The following CERS5 variants were observed in gnomAD, a reference collection of about 807,000 sequenced individuals.
CERS5 encodes the protein ceramide synthase 5.
CERS5 carries 37 observed loss-of-function variants against 58.9 expected under a neutral mutation model. That is an observed-to-expected ratio of 0.63 (90% CI 0.48 to 0.83). The LOEUF is 0.83. Among genes scored for constraint, CERS5 ranks in the 40% least tolerant of loss-of-function variants. CERS5 has a pLI of 0.00. For synonymous variants in CERS5, 147 were observed against 177.8 expected (o/e 0.83, Z 1.38); for missense variants, 398 against 489.3 (o/e 0.81, Z 1.76).
intron 8 of CERS5, 48 bp from the exon 9 acceptor site, chr12:50,134,750 G>A: frequency 6.4e-7 from 1 of 1,555,736 alleles, no homozygotes; most frequent in East Asian, 2.3e-5. Context: ...AAGCTCAGCA[G>A]ACAGGGATGA....
chr12:50,135,884 C>G, intron 7 of CERS5, 46 bp from the exon 8 acceptor site: 1 of 1,592,178 alleles, frequency 6.3e-7, no homozygotes, highest in Non-Finnish European at 8.5e-7. Flanking sequence ...AGTCATTCCT[C>G]ACATAGGAAG....
chr12:50,140,979 G>T (rs1354163177), intron 4 of CERS5, among the ~76,000 whole-genome samples: 1 of 151,720 alleles, frequency 6.6e-6, no homozygotes, highest in Middle Eastern at 3.2e-3. Flanking sequence ...AAAACACAAT[G>T]ATATCATTTA....
At position 50,135,819 on chromosome 12, in the gene CERS5, T is replaced by A; in HGVS notation, c.785A>T (p.Tyr262Phe). ...FLLEAAKLANYAKYQRLCDTL... is the reference protein window; with the variant it reads ...FLLEAAKLANFAKYQRLCDTL... Reference sequence around the variant, plus strand: ...GTCACAGAGCCGCTGATACTTGGCATAATTGGCCAGTTTGGCTGCCTGGAG... The same window carrying A: ...GTCACAGAGCCGCTGATACTTGGCAAAATTGGCCAGTTTGGCTGCCTGGAG... The change falls in exon 8 of 10, where the codon TAT becomes TTT. Residue 262 changes from tyrosine (Y) to phenylalanine (F), a missense_variant. Tyr to Phe is a conservative substitution (Grantham distance 22, BLOSUM62 3). Coordinates refer to ENST00000317551, the MANE Select transcript of CERS5 (RefSeq NM_147190.5). 6.2e-7 allele frequency: 1 copy of A among 1,613,994 alleles called. No homozygotes were observed. The highest frequency in any genetic ancestry group is 8.5e-7 in the Non-Finnish European group (1 of 1,179,982).
Position 50,130,391 on chromosome 12 carries a change from TTTTC to T in CERS5, c.*150_*153del. On this transcript the variant is annotated 3_prime_UTR_variant, in exon 10 of 10. Coordinates refer to ENST00000317551, the MANE Select transcript of CERS5 (RefSeq NM_147190.5). ...GAGGCTATTAAATACAAAATGGCAG[TTTTC>T]TTTCAAAGTGAAAATATTTGCTTCT... 1 of 624,650 alleles carries T rather than the reference TTTTC, an allele frequency of 1.6e-6. No individual in the cohort carries two copies. The highest frequency in any genetic ancestry group is 2.6e-6 in the Non-Finnish European group (1 of 388,186). The allele number at this position is 624,650 out of a possible 1,614,324, so 38.7% of individuals were successfully genotyped here.
chr12:50,136,467 C>T (rs1434645234), intron 6 of CERS5, among the ~76,000 whole-genome samples: 4 of 97,692 alleles, frequency 4.1e-5, no homozygotes, highest in Non-Finnish European at 5.8e-5. Flanking sequence ...ACTGAGATTC[C>T]GTCTCAAAAA....
intron 1 of CERS5, among the ~76,000 whole-genome samples, chr12:50,161,784 G>GCAAAAAAAAAAAAA (rs1939293345): frequency 1.1e-5 from 1 of 90,862 alleles, no homozygotes; most frequent in Admixed American, 1.7e-4. Flanking sequence ...CTCAAAAAAA[G>GCAAAAAAAAAAAAA]AAAAAAAAAA....
At chr12:50,143,651 G>A in intron 2 of CERS5, 1 of 326,760 alleles carries the variant, frequency 3.1e-6, no homozygotes, top group Non-Finnish European at 5.7e-6. Context: ...CAACTAGGCA[G>A]TGACAGAAAC....
intron 1 of CERS5, chr12:50,153,933 G>A (rs932483387): frequency 8.5e-6 from 3 of 354,956 alleles, no homozygotes; most frequent in African/African-American, 2.2e-5. Flanking sequence ...CAGCCTGGGC[G>A]ACAAGAGCAA....
chr12:50,167,341 C>A lies in CERS5; in HGVS notation c.-44G>T. ...CCACCGCCGCCACAAGCGTCAGCTG[C>A]CGCCACAGCCAACGGAACCCGCGGG... On this transcript the variant is annotated 5_prime_UTR_variant, in exon 1 of 10. Transcript: ENST00000317551. 6.8e-7 allele frequency: 1 copy of A among 1,461,906 alleles called. No individual in the cohort carries two copies. The highest frequency in any genetic ancestry group is 9.0e-7 in the Non-Finnish European group (1 of 1,116,374). The allele number at this position is 1,461,906 out of a possible 1,614,324, so 90.6% of individuals were successfully genotyped here. A position where few individuals can be genotyped will look rare whatever the true frequency, so the allele number is the denominator to read the frequency against.
At chr12:50,144,674 G>A in intron 1 of CERS5, 2 of 644,272 alleles carry the variant, frequency 3.1e-6, no homozygotes, top group South Asian at 2.2e-5. Flanking sequence ...AAGAAATCAG[G>A]AAGCTAGGAA....
chr12:50,152,162 C>T (rs1234531502), intron 1 of CERS5, among the ~76,000 whole-genome samples: 2 of 152,134 alleles, frequency 1.3e-5, no homozygotes, highest in Non-Finnish European at 2.9e-5. Flanking sequence ...GTTCCTGAGG[C>T]ACTCTCAGGG....
intron 9 of CERS5, chr12:50,134,198 T>G: frequency 2.9e-6 from 1 of 341,944 alleles, no homozygotes; most frequent in East Asian, 7.5e-5. Flanking sequence ...CTGGGTAACA[T>G]AGTGACACCC....
At chr12:50,136,927 TA>T (rs1951725354) in intron 6 of CERS5, among the ~76,000 whole-genome samples, 1 of 152,174 alleles carries the variant, frequency 6.6e-6, no homozygotes, top group Non-Finnish European at 1.5e-5. Context: ...ACAATTAAAA[TA>T]AAATTTTAAT....
At chr12:50,141,430 T>C (rs952262496) in intron 4 of CERS5, among the ~76,000 whole-genome samples, 4 of 152,196 alleles carry the variant, frequency 2.6e-5, no homozygotes, top group Non-Finnish European at 4.4e-5. Flanking sequence ...AAAGGGTTTA[T>C]TCCATTTCTC....
At chr12:50,145,565 A>G (rs373666730) in intron 1 of CERS5, among the ~76,000 whole-genome samples, 2 of 152,128 alleles carry the variant, frequency 1.3e-5, no homozygotes, top group East Asian at 3.8e-4. Context: ...CCTCTATGAA[A>G]ACTTTTTACC....
intron 4 of CERS5, among the ~76,000 whole-genome samples, chr12:50,141,064 T>A (rs1174015437): frequency 1.3e-5 from 2 of 152,162 alleles, no homozygotes; most frequent in East Asian, 3.9e-4. Context: ...CTTCCTTCTT[T>A]TTCTGAGGCA....
chr12:50,143,727 C>T, intron 2 of CERS5: 1 of 463,766 alleles, frequency 2.2e-6, no homozygotes, highest in Non-Finnish European at 3.9e-6. Context: ...AGGGTGGCTG[C>T]TGGGCCTAAA....
In CERS5 at chr12:50,142,057, C is replaced by G. The variant is rs146787766; in HGVS notation, c.488G>C (p.Trp163Ser). The G allele has an allele frequency of 6.3e-7, 1 of 1,594,152 alleles. No individual in the cohort carries two copies. The highest frequency in any genetic ancestry group is 8.6e-7 in the Non-Finnish European group (1 of 1,162,458). Residue 163 changes from tryptophan to serine, a missense_variant, in exon 4 of 10, where the codon TGG (tryptophan) becomes TCG (serine). This residue lies in a region of CERS5 where 328 missense variants were observed against 384.5 expected (regional missense o/e 0.85). Transcript: ENST00000317551. ...CTAGAGAAAGTTAAGACTCACCGACCAGAGAAATCTAATTCCATAGCAGAA... is the reference window on the plus strand; with the variant it reads ...CTAGAGAAAGTTAAGACTCACCGACGAGAGAAATCTAATTCCATAGCAGAA... ...CIFCYGIRFLWSSPWFWDIRQ... is the reference protein window; with the variant it reads ...CIFCYGIRFLSSSPWFWDIRQ...
rs1185465965 is a variant in CERS5 at position 50,148,946 on chromosome 12, A to ATG, written c.198-4891_198-4890dup. On this transcript the variant is annotated intron_variant, in intron 1 of 9. Coordinates refer to ENST00000317551, the MANE Select transcript of CERS5 (RefSeq NM_147190.5). ...AAAAAAAATATATATATATATATAT[A>ATG]TGTGTGTGTGTGTGTGTGTGTGTGC... 4.3e-3 allele frequency among the ~76,000 whole-genome samples: 445 copies of ATG among 103,040 alleles called. 2 individuals are homozygous for ATG. The highest frequency in any genetic ancestry group is 0.012 in the African/African-American group (287 of 24,722). 67.6% of individuals were successfully genotyped at this position (103,040 alleles called of 152,430 possible). A position where few individuals can be genotyped will look rare whatever the true frequency, so the allele number is the denominator to read the frequency against.
Sources: gnomAD v4.1 joint callset for allele counts (sites outside exome capture counted in the v4.1 genomes callset) on GRCh38, gnomAD v4.1.1 for gene constraint, gnomAD v4.1.1 regional missense constraint, MANE v1.5 for transcripts, NCBI Gene and HGNC (gene_info 2026-07-23, HGNC 2026-07-21) for gene names.